Variants in CRB1 observed in about 807,000 individuals in gnomAD.
The protein encoded by CRB1 is protein crumbs homolog 1.
In CRB1, 83 loss-of-function variants were observed where a neutral mutation model predicts 120.0. The ratio of observed to expected loss-of-function variants is 0.69; its 90% CI spans 0.58 to 0.83. CRB1 has a LOEUF of 0.83. Ranked by LOEUF, CRB1 falls within the 40% of genes least tolerant of loss-of-function variation. The probability of loss-of-function intolerance (pLI) is 0.00; values close to 1 mark genes in which losing one functional copy is unlikely to be tolerated. For synonymous variants in CRB1, 625 were observed against 612.5 expected, an observed-to-expected ratio of 1.02 and a Z score of -0.30; for missense variants, 1,699 against 1,687.6, an observed-to-expected ratio of 1.01 and a Z score of -0.12.
At chr1:197,432,357 AACACACACACACACACACACACACAC>A (rs35921087) in intron 8 of CRB1, among the ~76,000 whole-genome samples, 9 of 139,768 alleles carry the variant, frequency 6.4e-5, no homozygotes, top group African/African-American at 2.2e-4. Context: ...ACCTGGTTGA[AACACACACACACACACACACACACAC>A]ACACACACAC....
chr1:197,469,095 C>G (rs1022963969), intron 11 of CRB1, among the ~76,000 whole-genome samples: 1 of 152,138 alleles, frequency 6.6e-6, no homozygotes, highest in Non-Finnish European at 1.5e-5. Context: ...TGGCGCACGC[C>G]TGTAATCCTA....
At chr1:197,201,533 C>T in the CRB1 span, among the ~76,000 whole-genome samples, 2 of 152,208 alleles carry the variant, frequency 1.3e-5, no homozygotes, top group African/African-American at 2.4e-5. Context: ...AGCTACACGC[C>T]GAATCCGTTA....
chr1:197,380,635 A>G (rs779369015), intron 5 of CRB1, among the ~76,000 whole-genome samples: 13 of 152,220 alleles, frequency 8.5e-5, no homozygotes, highest in Non-Finnish European at 1.5e-4. Context: ...GAGAGACACA[A>G]GCACCAAGCT....
At chr1:197,343,948 A>C (rs1473918898) in intron 2 of CRB1, among the ~76,000 whole-genome samples, 1 of 152,248 alleles carries the variant, frequency 6.6e-6, no homozygotes, top group Non-Finnish European at 1.5e-5. Flanking sequence ...TTAAGTGTTT[A>C]AAAATAATGG....
At chr1:197,398,514 T>C (rs1662889569) in intron 5 of CRB1, among the ~76,000 whole-genome samples, 3 of 152,000 alleles carry the variant, frequency 2.0e-5, no homozygotes, top group Non-Finnish European at 2.9e-5. Flanking sequence ...AAGATAAGGA[T>C]AGATTAAAGA....
chr1:197,339,956 G>A (rs1659358859), intron 2 of CRB1, among the ~76,000 whole-genome samples: 1 of 152,118 alleles, frequency 6.6e-6, no homozygotes, highest in African/African-American at 2.4e-5. Flanking sequence ...GCTGTGACTT[G>A]ATTATTCATG....
At position 197,344,453 on chromosome 1, in the gene CRB1, G is replaced by A. The variant is rs149685264; in HGVS notation, c.825G>A (p.Gly275=). ...CCAGTCAACCTTGTCTCCATGGAGGGCTGTGTGTGGATGGAGAAAACAGGT... is the reference window on the plus strand; with the variant it reads ...CCAGTCAACCTTGTCTCCATGGAGGACTGTGTGTGGATGGAGAAAACAGGT... The part of the protein sequence containing the change: ...ECASQPCLHG[G]LCVDGENRYS... The change falls in exon 3 of 12, where the codon GGG becomes GGA. Residue 275 remains glycine (G), a synonymous_variant. Transcript: ENST00000367400. The A allele has an allele frequency of 1.7e-5, 28 of 1,614,076 alleles. No homozygotes were observed. The African/African-American group carries it at 3.2e-4, about 18-fold the overall frequency.
intron 5 of CRB1, among the ~76,000 whole-genome samples, chr1:197,390,486 T>C (rs1457911575): frequency 1.3e-5 from 2 of 152,036 alleles, no homozygotes; most frequent in Non-Finnish European, 2.9e-5. Context: ...AGTAGAAAGA[T>C]GACAAGGTCA....
chr1:197,408,052 A>G (rs1444043702), intron 5 of CRB1, among the ~76,000 whole-genome samples: 1 of 152,320 alleles, frequency 6.6e-6, no homozygotes, highest in Non-Finnish European at 1.5e-5. Context: ...GTACACTAGG[A>G]AGTAAACATA....
At chr1:197,280,409 A>G (rs1027815426) in intron 1 of CRB1, among the ~76,000 whole-genome samples, 2 of 151,896 alleles carry the variant, frequency 1.3e-5, no homozygotes, top group Non-Finnish European at 2.9e-5. Context: ...AAGATAATTT[A>G]TCATGTATTC....
intron 5 of CRB1, among the ~76,000 whole-genome samples, chr1:197,374,165 C>A (rs949977): frequency 2.0e-4 from 31 of 151,862 alleles, no homozygotes; most frequent in Middle Eastern, 3.4e-3. Context: ...AGGATGGATC[C>A]AGATAATGAT....
At chr1:197,241,170 A>G in the CRB1 span, among the ~76,000 whole-genome samples, 2 of 152,186 alleles carry the variant, frequency 1.3e-5, no homozygotes, top group East Asian at 3.9e-4. Context: ...CTCTGATGAT[A>G]GTTTCTTTTG....
intron 5 of CRB1, among the ~76,000 whole-genome samples, chr1:197,409,697 T>A (rs1488249614): frequency 6.6e-6 from 1 of 152,212 alleles, no homozygotes; most frequent in Non-Finnish European, 1.5e-5. Context: ...AATACATGCT[T>A]CATCATTCAT....
At position 197,436,227 on chromosome 1, in the gene CRB1, A is replaced by G. The variant is rs139870188; in HGVS notation, c.3749+615A>G. Among the ~76,000 whole-genome samples the G allele has an allele frequency of 3.4e-3, 513 of 152,264 alleles. 4 individuals carry two copies. Among genetic ancestry groups the G allele is most frequent in the African/African-American group, 0.011 (457 of 41,562 alleles). On this transcript the variant is annotated intron_variant, in intron 9 of 11. Coordinates refer to ENST00000367400, the MANE Select transcript of CRB1 (RefSeq NM_201253.3). ...GTATGTCATATTCTGTCTTCTTACT[A>G]TAAAGCAAGCTAGAGAAAATAAAAT...
intron 5 of CRB1, among the ~76,000 whole-genome samples, chr1:197,386,928 A>G (rs575751410): frequency 2.0e-5 from 3 of 152,258 alleles, no homozygotes; most frequent in Non-Finnish European, 2.9e-5. Context: ...ATGTTTTTCT[A>G]TAGCCATGAG....
intron 5 of CRB1, among the ~76,000 whole-genome samples, chr1:197,395,664 C>T (rs1662734628): frequency 6.6e-6 from 1 of 152,108 alleles, no homozygotes; most frequent in Non-Finnish European, 1.5e-5. Context: ...GCACGGACCT[C>T]CCTGGTTCAT....
chr1:197,260,580 A>G, the CRB1 span, among the ~76,000 whole-genome samples: 8 of 152,122 alleles, frequency 5.3e-5, no homozygotes, highest in Admixed American at 1.3e-4. Context: ...AATCAAATAG[A>G]TAAAGAAAAA....
intron 5 of CRB1, among the ~76,000 whole-genome samples, chr1:197,359,040 C>T (rs935893715): frequency 7.2e-5 from 11 of 152,104 alleles, no homozygotes; most frequent in African/African-American, 2.7e-4. Flanking sequence ...TTTTAAATAA[C>T]TTTTTAAATG....
At chr1:197,258,618 C>A in the CRB1 span, among the ~76,000 whole-genome samples, 1 of 152,178 alleles carries the variant, frequency 6.6e-6, no homozygotes, top group Non-Finnish European at 1.5e-5. Flanking sequence ...CATGACACCA[C>A]AATGTCCTGG....
Sources: gnomAD v4.1 joint callset for allele counts (sites outside exome capture counted in the v4.1 genomes callset) on GRCh38, gnomAD v4.1.1 for gene constraint, MANE v1.5 for transcripts, NCBI Gene and HGNC (gene_info 2026-07-23, HGNC 2026-07-21) for gene names.